The following FCRL4 variants were observed in gnomAD, a reference collection of about 807,000 sequenced individuals.
The protein encoded by FCRL4 is Fc receptor like 4.
FCRL4 carries 43 observed loss-of-function variants against 64.1 expected under a neutral mutation model. That is an observed-to-expected ratio of 0.67 (90% CI 0.53 to 0.87). The LOEUF is 0.87. Among genes scored for constraint, FCRL4 ranks in the 40% least tolerant of loss-of-function variants. FCRL4 has a pLI of 0.00. For missense variants in FCRL4, 656 were observed against 613.5 expected (o/e 1.07, Z -0.73); for synonymous variants, 253 against 239.8 (o/e 1.05, Z -0.51).
chr1:157,586,664 A>G (rs986582482), intron 5 of FCRL4, among the ~76,000 whole-genome samples: 1 of 152,162 alleles, frequency 6.6e-6, no homozygotes, highest in African/African-American at 2.4e-5. Context: ...GGCCCCAGGA[A>G]AGAAAAAAGG....
chr1:157,586,835 C>CCTAT (rs903809395), intron 5 of FCRL4, among the ~76,000 whole-genome samples: 12 of 152,168 alleles, frequency 7.9e-5, no homozygotes, highest in South Asian at 2.1e-4. Flanking sequence ...ATTTATTGGG[C>CCTAT]CTATCTATCT....
chr1:157,582,362 A>G (rs935213046), intron 6 of FCRL4, among the ~76,000 whole-genome samples: 7 of 152,222 alleles, frequency 4.6e-5, no homozygotes, highest in Non-Finnish European at 1.0e-4. Flanking sequence ...CAAGACGTTA[A>G]AGTCCCGGCT....
rs1652473771 is a variant in FCRL4, at chr1:157,578,658, A to G, written c.1360+112T>C. 2.2e-6 allele frequency: 3 copies of G among 1,394,302 alleles called. No individual in the cohort carries two copies. The South Asian group carries it at 3.5e-5, about 16-fold the overall frequency. 86.4% of individuals were successfully genotyped at this position (1,394,302 alleles called of 1,614,324 possible). A position where few individuals can be genotyped will look rare whatever the true frequency, so the allele number is the denominator to read the frequency against. On this transcript the variant is annotated intron_variant, in intron 9 of 11. Transcript: ENST00000271532. ...ACACATAATGGAACAATTATCTGGG[A>G]ATATCTGGATTTGGGACACTTTAGG...
At chr1:157,581,070 AG>A (rs1652547663) in intron 7 of FCRL4, among the ~76,000 whole-genome samples, 1 of 151,598 alleles carries the variant, frequency 6.6e-6, no homozygotes, top group African/African-American at 2.4e-5. Context: ...GCCCCTGAAA[AG>A]CCAGACCCAG....
At chr1:157,575,760 T>C (rs975683809) in intron 10 of FCRL4, 30 bp from the exon 11 acceptor site, 6 of 1,610,760 alleles carry the variant, frequency 3.7e-6, no homozygotes, top group Non-Finnish European at 5.1e-6. Flanking sequence ...CACTGGACTA[T>C]GGGCATAATG....
chr1:157,585,344 C>CTCTCTCTCTTTCTTTCTTTCTTTCTT (rs1386601138), intron 6 of FCRL4, among the ~76,000 whole-genome samples: 1 of 81,276 alleles, frequency 1.2e-5, no homozygotes, highest in Non-Finnish European at 2.6e-5. Context: ...CTTTCTCTCT[C>CTCTCTCTCTTTCTTTCTTTCTTTCTT]TCTTTCTTTC....
chr1:157,585,347 T>TTTCC (rs1558155006), intron 6 of FCRL4, among the ~76,000 whole-genome samples: 116 of 25,996 alleles, frequency 4.5e-3, no homozygotes, highest in Middle Eastern at 0.019. Context: ...TCTCTCTCTC[T>TTTCC]TTCTTTCTTT....
In FCRL4 at chr1:157,578,845, G is replaced by A. The variant is rs936960423; in HGVS notation, c.1285C>T (p.Pro429Ser). The A allele has an allele frequency of 3.1e-6, 5 of 1,612,420 alleles. No individual in the cohort carries two copies. The African/African-American group carries it at 4.0e-5, about 13-fold the overall frequency. The change falls in exon 9 of 12, where the codon CCC becomes TCC. Residue 429 changes from proline to serine, a missense_variant. Physicochemically the swap from Pro to Ser is moderately conservative, Grantham distance 74. Coordinates refer to ENST00000271532, the MANE Select transcript of FCRL4 (RefSeq NM_031282.3). ...GAGGACTCTCCTGGGCCTGGAGCGG[G>A]AGGGAGCCTGTGAGACACAGAAACA... ...GFLGDETRLP[P>S]APGPGESSHS...
At chr1:157,596,654 A>G (rs1275849543) in intron 1 of FCRL4, among the ~76,000 whole-genome samples, 1 of 152,220 alleles carries the variant, frequency 6.6e-6, no homozygotes, top group Non-Finnish European at 1.5e-5. Flanking sequence ...GAGTTAGATC[A>G]GTAAGGTTTC....
intron 7 of FCRL4, 95 bp from the exon 8 acceptor site, chr1:157,580,443 A>G: frequency 1.5e-6 from 2 of 1,334,834 alleles, no homozygotes; most frequent in East Asian, 2.3e-5. Context: ...GGTAATCAAG[A>G]CAGTCAATTC....
At chr1:157,585,966 C>T (rs1338486793) in intron 6 of FCRL4, among the ~76,000 whole-genome samples, 2 of 152,186 alleles carry the variant, frequency 1.3e-5, no homozygotes, top group South Asian at 2.1e-4. Context: ...AAATGGCTCC[C>T]AGCCACCATT....
chr1:157,584,281 C>T (rs1279484097), intron 6 of FCRL4, among the ~76,000 whole-genome samples: 1 of 152,134 alleles, frequency 6.6e-6, no homozygotes, highest in Non-Finnish European at 1.5e-5. Context: ...TCCCTTCTTC[C>T]TCTCCCCTAA....
In FCRL4 at chr1:157,597,988, G is replaced by A. The variant is rs771366622; in HGVS notation, c.-44C>T. On this transcript the variant is annotated 5_prime_UTR_variant, in exon 1 of 12. Coordinates refer to ENST00000271532, the MANE Select transcript of FCRL4 (RefSeq NM_031282.3). ...TGGAGAAGGAGTTCTGAGGAGACAA[G>A]CCAGGTCAGCCCAGATTGCCAAAGC... 9.7e-6 allele frequency: 15 copies of A among 1,543,542 alleles called. No individual in the cohort carries two copies. Among genetic ancestry groups the A allele is most frequent in the Non-Finnish European group, 1.2e-5 (13 of 1,118,474 alleles).
Position 157,587,272 on chromosome 1 carries a change from T to C in FCRL4, c.847+4A>G. 6.2e-7 allele frequency: 1 copy of C among 1,611,918 alleles called. No individual in the cohort carries two copies. On this transcript the variant is annotated splice_donor_region_variant and intron_variant, in intron 5 of 11. Transcript: ENST00000271532. ...GGGAAGATGCCTGGCTCTCCAACAC[T>C]CACGCTGCACATGGATCTGTAGCGA...
chr1:157,591,905 C>T (rs1210223312), intron 2 of FCRL4, among the ~76,000 whole-genome samples: 1 of 152,012 alleles, frequency 6.6e-6, no homozygotes, highest in Admixed American at 6.5e-5. Context: ...ATATATAGAC[C>T]AATGGAATGG....
rs1652464893 is a variant in FCRL4 at position 157,578,473 on chromosome 1, C to T, written c.1429+1G>A. On this transcript the variant is annotated splice_donor_variant, in intron 10 of 11. Coordinates refer to ENST00000271532, the MANE Select transcript of FCRL4 (RefSeq NM_031282.3). LOFTEE classifies it high-confidence loss of function. ...GCCAGAATCTCTTCCCAAAGACGTA[C>T]CTTCCTCTTCTTCTCCCAGCTGAGT... The T allele has an allele frequency of 6.2e-7, 1 of 1,612,080 alleles. No homozygotes were observed. The highest frequency in any genetic ancestry group is 2.2e-5 in the East Asian group (1 of 44,874).
chr1:157,584,855 G>A (rs780971391), intron 6 of FCRL4, among the ~76,000 whole-genome samples: 2 of 151,962 alleles, frequency 1.3e-5, no homozygotes, highest in Non-Finnish European at 2.9e-5. Flanking sequence ...TTGGGGAGCA[G>A]TCCCCAAAAT....
Position 157,586,311 on chromosome 1 carries a change from C to T in FCRL4, c.992G>A (p.Ser331Asn). 6.2e-7 allele frequency: 1 copy of T among 1,614,048 alleles called. No homozygotes were observed. The highest frequency in any genetic ancestry group is 8.5e-7 in the Non-Finnish European group (1 of 1,179,996). Residue 331 changes from serine (S) to asparagine (N), a missense_variant, in exon 6 of 12, where the codon AGT becomes AAT. Coordinates refer to ENST00000271532, the MANE Select transcript of FCRL4 (RefSeq NM_031282.3). ...FSWHREDMQE[S>N]LGRKTQRSLR... ...GGAACGCTGAGTTTTCCTCCCCAGA[C>T]TCTCCTGCATGTCCTCTCGGTGCCA...
At chr1:157,588,798 A>T (rs1025203216) in intron 3 of FCRL4, among the ~76,000 whole-genome samples, 1 of 152,170 alleles carries the variant, frequency 6.6e-6, no homozygotes, top group Non-Finnish European at 1.5e-5. Flanking sequence ...GACGCATAAC[A>T]ACGGGTGGGG....
Sources: allele counts gnomAD v4.1 joint callset (sites outside exome capture counted in the v4.1 genomes callset), GRCh38; gene constraint gnomAD v4.1.1; transcripts MANE v1.5; gene names NCBI Gene and HGNC (gene_info 2026-07-23, HGNC 2026-07-21).